The following KCND2 variants were observed in gnomAD, a reference collection of about 807,000 sequenced individuals.
KCND2 encodes potassium voltage-gated channel subfamily D member 2, also known as A-type voltage-gated potassium channel KCND2.
KCND2 carries 16 observed loss-of-function variants against 54.4 expected under a neutral mutation model. The observed-to-expected ratio is 0.29, with a 90% CI of 0.20 to 0.45. The LOEUF (loss-of-function observed/expected upper bound fraction) is 0.45. Among genes scored for constraint, KCND2 ranks in the 20% least tolerant of loss-of-function variants. The pLI, the probability that KCND2 is intolerant of heterozygous loss-of-function variation, is 1.00. For missense variants in KCND2, 486 were observed against 824.2 expected (o/e 0.59, Z 5.02); for synonymous variants, 317 against 310.7 (o/e 1.02, Z -0.21).
chr7:120,628,008 T>A (rs1201354238), intron 1 of KCND2, among the ~76,000 whole-genome samples: 1 of 152,150 alleles, frequency 6.6e-6, no homozygotes, highest in Non-Finnish European at 1.5e-5. Context: ...TTTAAATGTT[T>A]AAATACTTTG....
chr7:120,431,720 C>T (rs186646697), intron 1 of KCND2, among the ~76,000 whole-genome samples: 20 of 152,288 alleles, frequency 1.3e-4, no homozygotes, highest in Admixed American at 1.3e-3. Flanking sequence ...TGTACTTTTA[C>T]ATTATCTAAC....
chr7:120,282,651 A>G (rs1469289980), intron 1 of KCND2, among the ~76,000 whole-genome samples: 1 of 152,114 alleles, frequency 6.6e-6, no homozygotes, highest in African/African-American at 2.4e-5. Context: ...GTCAAATAGA[A>G]TGGGAAGATT....
chr7:120,585,656 T>C (rs1284881921), intron 1 of KCND2, among the ~76,000 whole-genome samples: 1 of 152,056 alleles, frequency 6.6e-6, no homozygotes. Flanking sequence ...GTGTCATCCA[T>C]ATAAATAGGT....
At chr7:120,580,376 G>A (rs1363197693) in intron 1 of KCND2, among the ~76,000 whole-genome samples, 3 of 152,142 alleles carry the variant, frequency 2.0e-5, no homozygotes, top group Admixed American at 2.0e-4. Context: ...GCTGGAAACA[G>A]GCAAACCGTC....
chr7:120,578,027 G>A (rs1236740019), intron 1 of KCND2, among the ~76,000 whole-genome samples: 4 of 34,520 alleles, frequency 1.2e-4, no homozygotes, highest in Non-Finnish European at 3.5e-4. Flanking sequence ...ATGGCAAAAC[G>A]AAGAAGGAGA....
intron 1 of KCND2, among the ~76,000 whole-genome samples, chr7:120,367,227 G>A (rs1800699140): frequency 6.6e-6 from 1 of 152,062 alleles, no homozygotes; most frequent in Non-Finnish European, 1.5e-5. Flanking sequence ...AGAATTTAGG[G>A]TTTGAACCCA....
At chr7:120,680,648 C>CA (rs1265223568) in intron 1 of KCND2, among the ~76,000 whole-genome samples, 2 of 152,020 alleles carry the variant, frequency 1.3e-5, no homozygotes, top group Non-Finnish European at 2.9e-5. Flanking sequence ...GCTTCATTAG[C>CA]AAAATTCTTA....
intron 1 of KCND2, among the ~76,000 whole-genome samples, chr7:120,400,333 A>G (rs966133925): frequency 2.6e-5 from 4 of 152,156 alleles, no homozygotes; most frequent in Non-Finnish European, 5.9e-5. Context: ...ACTTTTTTTC[A>G]CTATAAACTA....
chr7:120,476,615 A>G (rs1418106505), intron 1 of KCND2, among the ~76,000 whole-genome samples: 2 of 151,958 alleles, frequency 1.3e-5, no homozygotes, highest in South Asian at 4.2e-4. Flanking sequence ...TTTTCCCACT[A>G]TATGATGTAT....
At chr7:120,273,005 T>TC (rs1292573514), upstream of KCND2, among the ~76,000 whole-genome samples, 1 of 151,810 alleles carries the variant, frequency 6.6e-6, no homozygotes, top group Non-Finnish European at 1.5e-5. Flanking sequence ...ACGTGAAGCT[T>TC]CCCTTTGTTC....
intron 1 of KCND2, among the ~76,000 whole-genome samples, chr7:120,534,502 A>G (rs987197842): frequency 9.9e-5 from 15 of 152,140 alleles, no homozygotes; most frequent in Non-Finnish European, 2.1e-4. Context: ...CCCAGTGTAG[A>G]GGAACCTAAG....
chr7:120,380,287 ACTCT>A (rs926916227), intron 1 of KCND2, among the ~76,000 whole-genome samples: 49 of 152,004 alleles, frequency 3.2e-4, no homozygotes, highest in African/African-American at 1.1e-3. Flanking sequence ...CATTTATGTG[ACTCT>A]CTATGTGCTG....
At chr7:120,314,952 C>CT (rs112227168) in intron 1 of KCND2, among the ~76,000 whole-genome samples, 56 of 149,466 alleles carry the variant, frequency 3.7e-4, no homozygotes, top group Middle Eastern at 3.4e-3. Context: ...ACCACTGAAA[C>CT]TTTTTTTTTT....
chr7:120,333,222 C>T (rs569181432), intron 1 of KCND2, among the ~76,000 whole-genome samples: 13 of 152,168 alleles, frequency 8.5e-5, no homozygotes, highest in Non-Finnish European at 1.5e-4. Context: ...TCAAGTTATT[C>T]CTTATCTTCT....
At chr7:120,587,971 A>C (rs1339246208) in intron 1 of KCND2, among the ~76,000 whole-genome samples, 1 of 152,326 alleles carries the variant, frequency 6.6e-6, no homozygotes, top group Middle Eastern at 3.4e-3. Context: ...ACAGTATGTT[A>C]TAAATATGTT....
intron 1 of KCND2, among the ~76,000 whole-genome samples, chr7:120,474,027 T>A (rs957488861): frequency 6.6e-6 from 1 of 152,202 alleles, no homozygotes; most frequent in Non-Finnish European, 1.5e-5. Context: ...TGTGATCTAA[T>A]GGTGCGTCTT....
intron 1 of KCND2, among the ~76,000 whole-genome samples, chr7:120,368,133 C>T (rs1322718827): frequency 6.6e-6 from 1 of 152,088 alleles, no homozygotes; most frequent in Admixed American, 6.6e-5. Context: ...TCAGCTTTTA[C>T]TTCTCCCTGG....
chr7:120,409,096 CAT>C (rs935536831), intron 1 of KCND2, among the ~76,000 whole-genome samples: 12 of 151,964 alleles, frequency 7.9e-5, no homozygotes, highest in East Asian at 3.9e-4. Flanking sequence ...ACCAAGGAAA[CAT>C]ATGTGATTTA....
At chr7:120,520,764 A>G (rs1170944224) in intron 1 of KCND2, among the ~76,000 whole-genome samples, 1 of 152,170 alleles carries the variant, frequency 6.6e-6, no homozygotes, top group Non-Finnish European at 1.5e-5. Context: ...GCATGTGTGC[A>G]TTAGCTAAGG....
Sources: allele counts gnomAD v4.1 joint callset (sites outside exome capture counted in the v4.1 genomes callset), GRCh38; gene constraint gnomAD v4.1.1; transcripts MANE v1.5; gene names NCBI Gene and HGNC (gene_info 2026-07-23, HGNC 2026-07-21).